Variants in KCND2 observed in about 807,000 individuals in gnomAD.
KCND2 encodes the protein potassium voltage-gated channel subfamily D member 2.
Under a neutral mutation model 54.4 loss-of-function variants are expected in KCND2, and 16 were observed. The observed-to-expected ratio is 0.29, with a 90% CI of 0.20 to 0.45. KCND2 has a LOEUF of 0.45. Ranked by LOEUF, KCND2 falls within the 20% of genes least tolerant of loss-of-function variation. The pLI, the probability that KCND2 is intolerant of heterozygous loss-of-function variation, is 1.00. For synonymous variants in KCND2, 317 were observed against 310.7 expected (o/e 1.02, Z -0.21); for missense variants, 486 against 824.2 (o/e 0.59, Z 5.02).
At chr7:120,363,281 A>T (rs1207554845) in intron 1 of KCND2, among the ~76,000 whole-genome samples, 1 of 152,064 alleles carries the variant, frequency 6.6e-6, no homozygotes, top group Admixed American at 6.6e-5. Context: ...TTGAGCCTGG[A>T]TGACAGAGCA....
chr7:120,613,338 T>C (rs1225714950), intron 1 of KCND2, among the ~76,000 whole-genome samples: 1 of 152,150 alleles, frequency 6.6e-6, no homozygotes, highest in Non-Finnish European at 1.5e-5. Context: ...CAAGACAGCC[T>C]GGCCAACATG....
intron 1 of KCND2, among the ~76,000 whole-genome samples, chr7:120,726,036 T>A (rs1011214407): frequency 1.3e-5 from 2 of 152,274 alleles, no homozygotes; most frequent in African/African-American, 4.8e-5. Flanking sequence ...ACAGTTTTTT[T>A]AAAATACACT....
intron 1 of KCND2, among the ~76,000 whole-genome samples, chr7:120,282,513 G>A (rs944125596): frequency 2.6e-5 from 4 of 152,092 alleles, no homozygotes; most frequent in Non-Finnish European, 5.9e-5. Flanking sequence ...TTTGCCTTGG[G>A]AATTTTGACA....
At chr7:120,490,260 G>A (rs1347024367) in intron 1 of KCND2, among the ~76,000 whole-genome samples, 2 of 152,058 alleles carry the variant, frequency 1.3e-5, no homozygotes, top group African/African-American at 4.8e-5. Flanking sequence ...ATGAATCTAG[G>A]CAACAAACCC....
intron 1 of KCND2, among the ~76,000 whole-genome samples, chr7:120,288,192 A>G (rs1272034383): frequency 6.6e-6 from 1 of 152,136 alleles, no homozygotes; most frequent in East Asian, 1.9e-4. Context: ...GGTTGTAATA[A>G]AAGTAAAGAA....
At chr7:120,520,728 C>T (rs1791680501) in intron 1 of KCND2, among the ~76,000 whole-genome samples, 1 of 152,014 alleles carries the variant, frequency 6.6e-6, no homozygotes, top group African/African-American at 2.4e-5. Flanking sequence ...GAAATAGAGA[C>T]AGACAGACGA....
chr7:120,615,595 C>G (rs1229641943), intron 1 of KCND2, among the ~76,000 whole-genome samples: 1 of 152,144 alleles, frequency 6.6e-6, no homozygotes, highest in African/African-American at 2.4e-5. Flanking sequence ...AGGGGCAACC[C>G]CACCTCAGAG....
chr7:120,472,122 G>T (rs538146842), intron 1 of KCND2, among the ~76,000 whole-genome samples: 19 of 151,452 alleles, frequency 1.3e-4, no homozygotes, highest in Non-Finnish European at 2.4e-4. Flanking sequence ...TATATAGTTG[G>T]AATATTACCT....
intron 1 of KCND2, among the ~76,000 whole-genome samples, chr7:120,510,744 G>A (rs1176010446): frequency 6.6e-6 from 1 of 151,850 alleles, no homozygotes; most frequent in African/African-American, 2.4e-5. Flanking sequence ...AAGATGTCAG[G>A]CATAACATTC....
intron 1 of KCND2, among the ~76,000 whole-genome samples, chr7:120,577,979 T>G (rs1584836473): frequency 6.6e-6 from 1 of 151,650 alleles, no homozygotes; most frequent in Non-Finnish European, 1.5e-5. Context: ...GGCAGGAGGA[T>G]CTCTTGAGTC....
chr7:120,378,091 TA>T (rs1484640301), intron 1 of KCND2, among the ~76,000 whole-genome samples: 7 of 151,994 alleles, frequency 4.6e-5, no homozygotes, highest in African/African-American at 1.7e-4. Context: ...CACTTAAGCC[TA>T]GAACATTTAA....
intron 1 of KCND2, among the ~76,000 whole-genome samples, chr7:120,556,517 A>G (rs565222455): frequency 6.6e-6 from 1 of 152,318 alleles, no homozygotes; most frequent in African/African-American, 2.4e-5. Context: ...CTCTCTTTAG[A>G]TAGATAGATT....
intron 1 of KCND2, among the ~76,000 whole-genome samples, chr7:120,630,910 G>A (rs1423858955): frequency 1.3e-5 from 2 of 152,170 alleles, no homozygotes; most frequent in Non-Finnish European, 2.9e-5. Flanking sequence ...AATGTTATGA[G>A]AATCGCACTA....
Position 120,701,156 on chromosome 7 carries a change from G to C in KCND2, c.1116-31747G>C, listed in dbSNP as rs569874053. ...CACAAAAGTTCTTTTCAACATTTCT[G>C]CATATATTTCACTGGCCAGAGCTTA... On this transcript the variant is annotated intron_variant, in intron 1 of 5. Coordinates refer to ENST00000331113, the MANE Select transcript of KCND2 (RefSeq NM_012281.3). Among the ~76,000 whole-genome samples the C allele has an allele frequency of 2.1e-5, 3 of 139,770 alleles. No homozygotes were observed. The South Asian group carries it at 7.0e-4, about 33-fold the overall frequency. The allele number at this position is 139,770 out of a possible 152,430, so 91.7% of individuals were successfully genotyped here.
chr7:120,463,010 G>C (rs138818079), intron 1 of KCND2, among the ~76,000 whole-genome samples: 1 of 152,172 alleles, frequency 6.6e-6, no homozygotes, highest in African/African-American at 2.4e-5. Flanking sequence ...CCATGCTGCA[G>C]TAACAAATCA....
intron 1 of KCND2, among the ~76,000 whole-genome samples, chr7:120,671,380 A>C (rs1208749403): frequency 6.6e-6 from 1 of 152,030 alleles, no homozygotes; most frequent in Non-Finnish European, 1.5e-5. Flanking sequence ...AGTAATGCTC[A>C]TACGCCCGCT....
At chr7:120,576,482 A>T (rs1792435639) in intron 1 of KCND2, among the ~76,000 whole-genome samples, 1 of 151,864 alleles carries the variant, frequency 6.6e-6, no homozygotes, top group Non-Finnish European at 1.5e-5. Flanking sequence ...TTTGCCTTTG[A>T]TTATCTCTAA....
At chr7:120,372,912 C>CT (rs555228903) in intron 1 of KCND2, among the ~76,000 whole-genome samples, 114 of 151,984 alleles carry the variant, frequency 7.5e-4, no homozygotes, top group Admixed American at 2.1e-3. Flanking sequence ...TGAATCTGGA[C>CT]TTTTTGGACT....
chr7:120,582,934 G>T (rs1792536494), intron 1 of KCND2, among the ~76,000 whole-genome samples: 1 of 147,208 alleles, frequency 6.8e-6, no homozygotes, highest in Non-Finnish European at 1.5e-5. Context: ...TATCTGGTTT[G>T]CATTGCTCTG....
Sources: gnomAD v4.1 joint callset for allele counts (sites outside exome capture counted in the v4.1 genomes callset) on GRCh38, gnomAD v4.1.1 for gene constraint, MANE v1.5 for transcripts, NCBI Gene and HGNC (gene_info 2026-07-23, HGNC 2026-07-21) for gene names.